Variants in FMNL1 observed in about 807,000 individuals in gnomAD.
FMNL1 encodes the protein formin like 1, also known as formin-like protein 1.
A neutral mutation model predicts 121.3 loss-of-function variants in FMNL1; 43 were observed. That is an observed-to-expected ratio of 0.35 (90% CI 0.28 to 0.46). The LOEUF is 0.46. Ranked by LOEUF, FMNL1 falls within the 20% of genes least tolerant of loss-of-function variation. The pLI is 1.00. For synonymous variants in FMNL1, 613 were observed against 613.5 expected, an observed-to-expected ratio of 1.00 and a Z score of 0.01; for missense variants, 1,191 against 1,482.4, an observed-to-expected ratio of 0.80 and a Z score of 3.23.
chr17:45,222,146 G>T lies in FMNL1; in HGVS notation c.22G>T (p.Ala8Ser). The change falls in exon 1 of 27, where the codon GCC becomes TCC. Residue 8 changes from alanine (A) to serine (S), a missense_variant. Physicochemically the swap from Ala to Ser is moderately conservative, Grantham distance 99. Around this residue, in one of 4 missense-constraint regions of FMNL1, gnomAD observed 52 missense variants for 43.4 expected, o/e 1.20. Transcript: ENST00000331495. ...CACCATGGGCAACGCGGCCGGCAGC[G>T]CCGAGCAGCCCGCGGGCCCCGCCGC... MGNAAGS[A>S]EQPAGPAAPP... 8.4e-7 allele frequency: 1 copy of T among 1,192,098 alleles called. No individual in the cohort carries two copies. The highest frequency in any genetic ancestry group is 1.0e-6 in the Non-Finnish European group (1 of 965,420). The allele number at this position is 1,192,098 out of a possible 1,614,324, so 73.8% of individuals were successfully genotyped here.
rs202135542 is a variant in FMNL1 at position 45,234,215 on chromosome 17, A to G, written c.614+15A>G. 1.6e-5 allele frequency: 26 copies of G among 1,613,930 alleles called. No homozygotes were observed. The South Asian group carries it at 2.1e-4, about 13-fold the overall frequency. On this transcript the variant is annotated intron_variant, in intron 6 of 26. Transcript: ENST00000331495. Reference sequence around the variant, plus strand: ...CTGACCATCAAGTATGTGGGCCACAAAGTGGGGTGGTGGGAGAACAGAGAA... The same window carrying G: ...CTGACCATCAAGTATGTGGGCCACAGAGTGGGGTGGTGGGAGAACAGAGAA...
In FMNL1 at chr17:45,231,830, G is replaced by T. The variant is rs946884722; in HGVS notation, c.214-537G>T. Reference sequence around the variant, plus strand: ...GAGGCACCTCCAGCCGTCCTTCCCCGCCGTATGCCAGCTCTGGTCCAGGGA... The same window carrying T: ...GAGGCACCTCCAGCCGTCCTTCCCCTCCGTATGCCAGCTCTGGTCCAGGGA... On this transcript the variant is annotated intron_variant, in intron 2 of 26. Coordinates refer to ENST00000331495, the MANE Select transcript of FMNL1 (RefSeq NM_005892.4). The surrounding 1 kb of genome is among the most constrained non-coding windows in gnomAD (Gnocchi z 4.7). 2.0e-5 allele frequency among the ~76,000 whole-genome samples: 3 copies of T among 152,120 alleles called. No individual in the cohort carries two copies. Among genetic ancestry groups the T allele is most frequent in the Non-Finnish European group, 4.4e-5 (3 of 67,992 alleles).
chr17:45,229,329 G>A (rs1040176433), intron 1 of FMNL1, among the ~76,000 whole-genome samples: 1 of 152,234 alleles, frequency 6.6e-6, no homozygotes, highest in Non-Finnish European at 1.5e-5. Flanking sequence ...CAGTGATTTT[G>A]GGGGTAAGGT....
chr17:45,222,384 C>T (rs2043245832), intron 1 of FMNL1, 131 bp downstream of exon 1: 1 of 773,340 alleles, frequency 1.3e-6, no homozygotes, highest in Non-Finnish European at 1.7e-6. Flanking sequence ...GCTGCCCCCT[C>T]CAGGAGGTGG....
At chr17:45,226,937 A>G (rs946585918) in intron 1 of FMNL1, among the ~76,000 whole-genome samples, 1 of 152,196 alleles carries the variant, frequency 6.6e-6, no homozygotes, top group East Asian at 1.9e-4. Context: ...GGAATTGCTT[A>G]TAAGAGCCCC....
At chr17:45,238,777 A>C (rs2043612511) in intron 10 of FMNL1, 139 bp downstream of exon 10, 6 of 1,205,840 alleles carry the variant, frequency 5.0e-6, no homozygotes, top group Non-Finnish European at 6.0e-6. Context: ...GGAAGGGTGG[A>C]TGTTGGCAGG....
chr17:45,245,530 G>A (rs764407219), intron 22 of FMNL1, 102 bp from the exon 23 acceptor site: 2 of 1,602,104 alleles, frequency 1.2e-6, no homozygotes, highest in South Asian at 2.2e-5. Flanking sequence ...CAGGAATGAG[G>A]GGCCACCCTG....
intron 1 of FMNL1, among the ~76,000 whole-genome samples, chr17:45,223,426 A>G (rs1345326632): frequency 6.6e-6 from 1 of 152,142 alleles, no homozygotes; most frequent in Non-Finnish European, 1.5e-5. Context: ...GTTCCTGAAA[A>G]TGTTGGCTTC....
chr17:45,233,989 C>T lies in FMNL1; in HGVS notation c.486-83C>T. 2 of 1,543,248 alleles carry T rather than the reference C, an allele frequency of 1.3e-6. No homozygotes were observed. The highest frequency in any genetic ancestry group is 1.8e-6 in the Non-Finnish European group (2 of 1,142,040). On this transcript the variant is annotated intron_variant, in intron 5 of 26. Coordinates refer to ENST00000331495, the MANE Select transcript of FMNL1 (RefSeq NM_005892.4). The surrounding 1 kb of genome is among the most constrained non-coding windows in gnomAD (Gnocchi z 4.1). Reference sequence around the variant, plus strand: ...CTGCTCCTTAGTCTCACCTGCAGGTCTGTCTCTCCTTGCGTTTCCTCTGCC... The same window carrying T: ...CTGCTCCTTAGTCTCACCTGCAGGTTTGTCTCTCCTTGCGTTTCCTCTGCC...
At chr17:45,232,294 T>C in intron 2 of FMNL1, 73 bp from the exon 3 acceptor site, 1 of 1,378,798 alleles carries the variant, frequency 7.3e-7, no homozygotes, top group Non-Finnish European at 1.0e-6. Flanking sequence ...AATGGGACAC[T>C]GGGACGAGAA....
At chr17:45,240,297 A>C in intron 11 of FMNL1, 179 bp from the exon 12 acceptor site, 1 of 567,866 alleles carries the variant, frequency 1.8e-6, no homozygotes. Context: ...GAATGACTGA[A>C]TTGTACACTT....
In FMNL1 at chr17:45,240,639, C is replaced by T. The variant is rs746935737; in HGVS notation, c.1230+14C>T. 55 of 1,610,080 alleles carry T rather than the reference C, an allele frequency of 3.4e-5. No individual in the cohort carries two copies. The highest frequency in any genetic ancestry group is 4.5e-5 in the Non-Finnish European group (53 of 1,178,460). Reference sequence around the variant, plus strand: ...CAAGTGGCGCTGGTGAGAGTGGGTCCTGACCCCAGCCCAGCACATCATAGG... The same window carrying T: ...CAAGTGGCGCTGGTGAGAGTGGGTCTTGACCCCAGCCCAGCACATCATAGG... On this transcript the variant is annotated intron_variant, in intron 12 of 26. Transcript: ENST00000331495.
Position 45,241,284 on chromosome 17 carries a change from T to C in FMNL1, c.1332+54T>C. 1 of 1,611,812 alleles carries C rather than the reference T, an allele frequency of 6.2e-7. No individual in the cohort carries two copies. The highest frequency in any genetic ancestry group is 8.5e-7 in the Non-Finnish European group (1 of 1,178,858). ...CGCCCAAGAACAGGCCAGCTGAGGC[T>C]TCTAGGCTTGACATCTCCCTCCACC... is the stretch of plus-strand genomic sequence containing the variant. On this transcript the variant is annotated intron_variant, in intron 13 of 26. Coordinates refer to ENST00000331495, the MANE Select transcript of FMNL1 (RefSeq NM_005892.4). This position sits in a 1 kb window ranked among gnomAD's most constrained non-coding sequence, Gnocchi z 7.0.
At position 45,242,105 on chromosome 17, in the gene FMNL1, C is replaced by G. The variant is rs1435462948; in HGVS notation, c.1844C>G (p.Pro615Arg). 1 of 1,535,728 alleles carries G rather than the reference C, an allele frequency of 6.5e-7. No homozygotes were observed. Among genetic ancestry groups the G allele is most frequent in the East Asian group, 2.5e-5 (1 of 39,824 alleles). ...CCGCCGCCGCCGCCTCCCGGAGGTC[C>G]TCCTGATGCCCTAGGAAGACGCGAC... ...PPPPPPPPGG[P>R]PDALGRRDSE... Residue 615 changes from proline to arginine, a missense_variant, in exon 15 of 27, where the codon CCT (proline) becomes CGT (arginine). By Grantham distance (103) the Pro-to-Arg change is moderately radical. Around this residue, in one of 4 missense-constraint regions of FMNL1, gnomAD observed 519 missense variants for 492.8 expected, o/e 1.05. Transcript: ENST00000331495.
chr17:45,232,559 A>G, intron 3 of FMNL1, 79 bp downstream of exon 3: 1 of 1,321,242 alleles, frequency 7.6e-7, no homozygotes, highest in East Asian at 2.4e-5. Context: ...CTGTGTGTAC[A>G]GACTTTTCTA....
At position 45,241,901 on chromosome 17, in the gene FMNL1, C is replaced by G. The variant is rs1230236354; in HGVS notation, c.1640C>G (p.Pro547Arg). 14 of 1,418,296 alleles carry G rather than the reference C, an allele frequency of 9.9e-6. No homozygotes were observed. Among genetic ancestry groups the G allele is most frequent in the African/African-American group, 1.5e-5 (1 of 66,062 alleles). 87.9% of individuals were successfully genotyped at this position (1,418,296 alleles called of 1,614,324 possible). Residue 547 changes from proline to arginine, a missense_variant, in exon 15 of 27, where the codon CCA (proline) becomes CGA (arginine). Physicochemically the swap from Pro to Arg is moderately radical, Grantham distance 103. Coordinates refer to ENST00000331495, the MANE Select transcript of FMNL1 (RefSeq NM_005892.4). This position sits in a 1 kb window ranked among gnomAD's most constrained non-coding sequence, Gnocchi z 7.0. ...GGAGCAGCGCCACCGCCGCCGCCCC[C>G]ACTGCCCGGCCTCCCCTCCCCGCAG... Reference protein sequence around the residue: ...APGAAPPPPPPLPGLPSPQEA... With the variant: ...APGAAPPPPPRLPGLPSPQEA...
In FMNL1 at chr17:45,243,812, C is replaced by A; in HGVS notation, c.2235C>A (p.Gly745=). ...AIEAYDLQAL[G]LDFLELLMRF... is the part of the protein sequence containing the mutation. The stretch of plus-strand genomic sequence containing the variant: ...ACAGGTACGACCTGCAGGCTCTGGG[C>A]CTGGACTTCCTGGAGCTGCTGATGC... Residue 745 remains glycine (G), a synonymous_variant, in exon 18 of 27, where the codon GGC becomes GGA. Coordinates refer to ENST00000331495, the MANE Select transcript of FMNL1 (RefSeq NM_005892.4). 1 of 1,612,312 alleles carries A rather than the reference C, an allele frequency of 6.2e-7. No individual in the cohort carries two copies. Among genetic ancestry groups the A allele is most frequent in the Non-Finnish European group, 8.5e-7 (1 of 1,178,796 alleles).
Position 45,221,983 on chromosome 17 carries a change from G to C in FMNL1, c.-142G>C, listed in dbSNP as rs2043234578. 5.3e-6 allele frequency: 3 copies of C among 561,192 alleles called. No homozygotes were observed. The highest frequency in any genetic ancestry group is 7.6e-6 in the Non-Finnish European group (3 of 396,550). The allele number at this position is 561,192 out of a possible 1,614,324, so 34.8% of individuals were successfully genotyped here. On this transcript the variant is annotated 5_prime_UTR_variant, in exon 1 of 27. Transcript: ENST00000331495. ...CGGCCCCTGCGCGCCGCTGAGCCGA[G>C]CGCCCCCCGCTGCCGAGACCCCCGC...
Position 45,222,138 on chromosome 17 carries a change from C to G in FMNL1, c.14C>G (p.Ala5Gly). The G allele has an allele frequency of 8.5e-7, 1 of 1,179,072 alleles. No homozygotes were observed. The highest frequency in any genetic ancestry group is 1.0e-6 in the Non-Finnish European group (1 of 957,242). 73.0% of individuals were successfully genotyped at this position (1,179,072 alleles called of 1,614,324 possible). Residue 5 changes from alanine (A) to glycine (G), a missense_variant, in exon 1 of 27, where the codon GCC becomes GGC. This residue lies in a region of FMNL1 where 52 missense variants were observed against 43.4 expected (regional missense o/e 1.20). Transcript: ENST00000331495. Reference protein sequence around the residue: MGNAAGSAEQPAGPA... With the variant: MGNAGGSAEQPAGPA... Reference sequence around the variant, plus strand: ...GTGGGGACCACCATGGGCAACGCGGCCGGCAGCGCCGAGCAGCCCGCGGGC... The same window carrying G: ...GTGGGGACCACCATGGGCAACGCGGGCGGCAGCGCCGAGCAGCCCGCGGGC...
Sources: gnomAD v4.1 joint callset for allele counts (sites outside exome capture counted in the v4.1 genomes callset) on GRCh38, gnomAD v4.1.1 for gene constraint, gnomAD v4.1.1 regional missense constraint, Gnocchi (gnomAD v3.1) non-coding constraint, MANE v1.5 for transcripts, NCBI Gene and HGNC (gene_info 2026-07-23, HGNC 2026-07-21) for gene names.